The following IL1R1 variants were observed in gnomAD, a reference collection of about 807,000 sequenced individuals.
IL1R1 encodes interleukin 1 receptor type 1, also known as interleukin-1 receptor type 1.
IL1R1 carries 22 observed loss-of-function variants against 50.2 expected under a neutral mutation model. That is an observed-to-expected ratio of 0.44 (90% confidence interval 0.31 to 0.63). The LOEUF (loss-of-function observed/expected upper bound fraction) is 0.63, where lower values mean the gene tolerates loss of function less well. Among genes scored for constraint, IL1R1 ranks in the 20% least tolerant of loss-of-function variants. IL1R1 has a pLI of 0.07. For synonymous variants in IL1R1, 251 were observed against 236.7 expected (o/e 1.06, Z -0.55); for missense variants, 509 against 676.2 (o/e 0.75, Z 2.74).
chr2:102,118,966 C>G (rs187268769), intron 1 of IL1R1, among the ~76,000 whole-genome samples: 1 of 135,612 alleles, frequency 7.4e-6, no homozygotes, highest in Non-Finnish European at 1.5e-5. Flanking sequence ...TGCGGTGAGC[C>G]GAGATCGCTC....
intron 1 of IL1R1, among the ~76,000 whole-genome samples, chr2:102,148,663 C>A (rs929935088): frequency 6.6e-6 from 1 of 152,220 alleles, no homozygotes; most frequent in Non-Finnish European, 1.5e-5. Flanking sequence ...TTCAGGCTCT[C>A]TGGCTGTCTG....
At chr2:102,116,867 A>G (rs975721310) in intron 1 of IL1R1, among the ~76,000 whole-genome samples, 2 of 152,146 alleles carry the variant, frequency 1.3e-5, no homozygotes, top group African/African-American at 4.8e-5. Context: ...TTCCTAGATA[A>G]AATTTGCATG....
intron 3 of IL1R1, among the ~76,000 whole-genome samples, chr2:102,164,321 T>C (rs564991271): frequency 4.6e-5 from 7 of 152,290 alleles, no homozygotes; most frequent in Non-Finnish European, 7.4e-5. Flanking sequence ...ATGGCCTAGC[T>C]GTAATTTTGG....
At chr2:102,118,367 C>T (rs1681211306) in intron 1 of IL1R1, among the ~76,000 whole-genome samples, 1 of 152,196 alleles carries the variant, frequency 6.6e-6, no homozygotes, top group African/African-American at 2.4e-5. Flanking sequence ...ATCTGGCTGT[C>T]TTCTGTATCC....
intron 1 of IL1R1, among the ~76,000 whole-genome samples, chr2:102,076,670 T>G (rs1416445909): frequency 6.6e-6 from 1 of 152,198 alleles, no homozygotes; most frequent in Non-Finnish European, 1.5e-5. Flanking sequence ...TAATGAGAAA[T>G]CTGCTGTCAT....
rs1481504022 is a variant in IL1R1 at position 102,179,003 on chromosome 2, C to T, written c.*2244C>T. ...ACTCTTGCCTTTCCACCTGCTTTCT[C>T]CTGGGCCCGCTTTGCCTGCTTGAAG... On this transcript the variant is annotated 3_prime_UTR_variant, in exon 12 of 12. Coordinates refer to ENST00000410023, the MANE Select transcript of IL1R1 (RefSeq NM_000877.4). 1 of 152,310 alleles carries T rather than the reference C, an allele frequency of 6.6e-6. No homozygotes were observed. Among genetic ancestry groups the T allele is most frequent in the Non-Finnish European group, 1.5e-5 (1 of 68,046 alleles). 9.4% of individuals were successfully genotyped at this position (152,310 alleles called of 1,614,324 possible). A position where few individuals can be genotyped will look rare whatever the true frequency, so the allele number is the denominator to read the frequency against.
intron 1 of IL1R1, among the ~76,000 whole-genome samples, chr2:102,096,799 G>C (rs1031444929): frequency 1.3e-5 from 2 of 150,608 alleles, no homozygotes; most frequent in African/African-American, 4.9e-5. Flanking sequence ...CATTCTCTTA[G>C]ATAAATATAT....
chr2:102,102,740 A>G (rs1222010483), upstream of IL1R1, among the ~76,000 whole-genome samples: 3 of 152,170 alleles, frequency 2.0e-5, no homozygotes, highest in African/African-American at 4.8e-5. Context: ...AAAGACATGG[A>G]ATCAACCTAA....
rs1425981513 is a variant in IL1R1, at chr2:102,108,677, GTTAT to G, written c.-84+3812_-84+3815del. Among the ~76,000 whole-genome samples the G allele has an allele frequency of 2.0e-5, 3 of 152,078 alleles. No individual in the cohort carries two copies. The East Asian group carries it at 5.8e-4, about 29-fold the overall frequency. ...AATGGAGCTTTTCTAGGGGCAACTGGTTATTTATTTCGTTTAGTTTGGGTGAGTC... is the reference window on the plus strand; with the variant it reads ...AATGGAGCTTTTCTAGGGGCAACTGGTTATTTCGTTTAGTTTGGGTGAGTC... On this transcript the variant is annotated intron_variant, in intron 1 of 10. Coordinates refer to the IL1R1 transcript ENST00000409329.
At chr2:102,110,701 T>C (rs369022712) in intron 1 of IL1R1, among the ~76,000 whole-genome samples, 2 of 151,966 alleles carry the variant, frequency 1.3e-5, no homozygotes, top group African/African-American at 2.4e-5. Context: ...ATCTATTCAA[T>C]TGGCTTAAAA....
intron 1 of IL1R1, among the ~76,000 whole-genome samples, chr2:102,096,738 A>G (rs1559459603): frequency 6.6e-6 from 1 of 151,992 alleles, no homozygotes; most frequent in Non-Finnish European, 1.5e-5. Context: ...TAATCTTTAT[A>G]TATTTTAAAG....
chr2:102,095,939 C>T (rs1056962591), intron 1 of IL1R1, among the ~76,000 whole-genome samples: 12 of 152,044 alleles, frequency 7.9e-5, no homozygotes, highest in African/African-American at 2.9e-4. Flanking sequence ...GGAGGCGGAG[C>T]TTGCAGTGAG....
chr2:102,141,601 C>A (rs1400835937), upstream of IL1R1, among the ~76,000 whole-genome samples: 1 of 152,146 alleles, frequency 6.6e-6, no homozygotes. Flanking sequence ...TTTCCTCCAG[C>A]CTGGATTTGT....
chr2:102,173,898 A>G (rs1685896631), intron 9 of IL1R1, among the ~76,000 whole-genome samples: 2 of 152,222 alleles, frequency 1.3e-5, no homozygotes, highest in Admixed American at 1.3e-4. Context: ...TAAGACCGTA[A>G]GTGTGAACTA....
chr2:102,119,750 C>T (rs1004824718), intron 1 of IL1R1, among the ~76,000 whole-genome samples: 1 of 152,184 alleles, frequency 6.6e-6, no homozygotes, highest in Non-Finnish European at 1.5e-5. Flanking sequence ...ATGATCACCA[C>T]AATCAAGCTA....
chr2:102,128,138 G>T (rs1681830767), intron 1 of IL1R1, among the ~76,000 whole-genome samples: 1 of 152,100 alleles, frequency 6.6e-6, no homozygotes, highest in South Asian at 2.1e-4. Flanking sequence ...ATGTGGTTTT[G>T]GTTGATGCTT....
At chr2:102,116,021 G>A (rs1360478084) in intron 1 of IL1R1, among the ~76,000 whole-genome samples, 1 of 152,150 alleles carries the variant, frequency 6.6e-6, no homozygotes, top group Non-Finnish European at 1.5e-5. Context: ...TATTTATATG[G>A]CGAATCTGGA....
intron 1 of IL1R1, among the ~76,000 whole-genome samples, chr2:102,099,415 A>C (rs911584190): frequency 6.6e-6 from 1 of 152,152 alleles, no homozygotes; most frequent in Non-Finnish European, 1.5e-5. Flanking sequence ...ATCTATTGTT[A>C]TGAAGATCTT....
At chr2:102,140,757 A>G (rs560816192), upstream of IL1R1, among the ~76,000 whole-genome samples, 3 of 152,196 alleles carry the variant, frequency 2.0e-5, no homozygotes, top group African/African-American at 7.2e-5. Flanking sequence ...GGAAGGAGAA[A>G]GTCAGTGAAA....
Sources: gnomAD v4.1 joint callset for allele counts (sites outside exome capture counted in the v4.1 genomes callset) on GRCh38, gnomAD v4.1.1 for gene constraint, MANE v1.5 for transcripts, NCBI Gene and HGNC (gene_info 2026-07-23, HGNC 2026-07-21) for gene names.